Variants in TMC1 observed in about 807,000 individuals in gnomAD.
TMC1 encodes transmembrane channel-like protein 1.
TMC1 carries 84 observed loss-of-function variants against 105.8 expected under a neutral mutation model. That is an observed-to-expected ratio of 0.79 (90% confidence interval 0.67 to 0.95). The LOEUF is 0.95. Among genes scored for constraint, TMC1 ranks in the 40% least tolerant of loss-of-function variants. The pLI, the probability that TMC1 is intolerant of heterozygous loss-of-function variation, is 0.00. For synonymous variants in TMC1, 315 were observed against 311.5 expected, an observed-to-expected ratio of 1.01 and a Z score of -0.12; for missense variants, 817 against 914.1, an observed-to-expected ratio of 0.89 and a Z score of 1.37.
At chr9:72,773,852 G>GCT (rs1457123859) in intron 13 of TMC1, among the ~76,000 whole-genome samples, 1 of 152,098 alleles carries the variant, frequency 6.6e-6, no homozygotes, top group African/African-American at 2.4e-5. Context: ...TCAAATCCCA[G>GCT]CTCTACCATG....
chr9:72,567,666 C>G (rs1300682018), intron 1 of TMC1, among the ~76,000 whole-genome samples: 1 of 152,114 alleles, frequency 6.6e-6, no homozygotes, highest in African/African-American at 2.4e-5. Context: ...CCCCCATGAT[C>G]CGATTGCCTC....
chr9:72,549,838 T>C (rs1823831717), intron 1 of TMC1, among the ~76,000 whole-genome samples: 3 of 151,720 alleles, frequency 2.0e-5, no homozygotes, highest in Admixed American at 2.0e-4. Context: ...GGTCTCGAAC[T>C]CCTGACCTCG....
intron 5 of TMC1, among the ~76,000 whole-genome samples, chr9:72,687,503 A>T (rs1826396913): frequency 6.6e-6 from 1 of 151,808 alleles, no homozygotes. Context: ...AGTTGCAGCC[A>T]GCAACAGAAG....
intron 3 of TMC1, among the ~76,000 whole-genome samples, chr9:72,617,775 C>T (rs1008540804): frequency 6.6e-6 from 1 of 152,140 alleles, no homozygotes. Context: ...AGCTGCATCA[C>T]ACAGCTGAGA....
At chr9:72,675,271 A>G (rs1211287723) in intron 5 of TMC1, among the ~76,000 whole-genome samples, 1 of 152,132 alleles carries the variant, frequency 6.6e-6, no homozygotes, top group Non-Finnish European at 1.5e-5. Flanking sequence ...ACATGAACAC[A>G]TCGGGGAGGC....
intron 19 of TMC1, among the ~76,000 whole-genome samples, chr9:72,819,544 C>T (rs1425572228): frequency 1.3e-5 from 2 of 152,138 alleles, no homozygotes; most frequent in Non-Finnish European, 2.9e-5. Flanking sequence ...AGTCTTTGTT[C>T]AATTCATTAT....
chr9:72,651,935 G>A (rs1446369653), intron 5 of TMC1, among the ~76,000 whole-genome samples: 1 of 152,004 alleles, frequency 6.6e-6, no homozygotes, highest in African/African-American at 2.4e-5. Flanking sequence ...ACTCCCCAAA[G>A]TCCATTGTAA....
intron 8 of TMC1, among the ~76,000 whole-genome samples, chr9:72,703,271 T>G (rs1231150349): frequency 6.6e-6 from 1 of 152,032 alleles, no homozygotes; most frequent in East Asian, 1.9e-4. Context: ...GGACTATATG[T>G]GCACACTACC....
At chr9:72,754,461 G>C (rs923034757) in intron 11 of TMC1, among the ~76,000 whole-genome samples, 7 of 152,126 alleles carry the variant, frequency 4.6e-5, no homozygotes, top group Admixed American at 6.5e-5. Flanking sequence ...GACTCAAAAG[G>C]CTACCTCTCT....
intron 1 of TMC1, among the ~76,000 whole-genome samples, chr9:72,544,603 C>T (rs1823733472): frequency 6.6e-6 from 1 of 151,280 alleles, no homozygotes; most frequent in African/African-American, 2.4e-5. Context: ...ACTCAGCGTC[C>T]TGAGTAACTG....
chr9:72,522,694 T>TA (rs1823333823), intron 1 of TMC1, among the ~76,000 whole-genome samples: 1 of 152,232 alleles, frequency 6.6e-6, no homozygotes, highest in Non-Finnish European at 1.5e-5. Context: ...AGTTATAACA[T>TA]ACAGCTGTCA....
intron 8 of TMC1, among the ~76,000 whole-genome samples, chr9:72,708,034 A>G (rs1437561223): frequency 6.6e-6 from 1 of 151,994 alleles, no homozygotes; most frequent in Non-Finnish European, 1.5e-5. Context: ...TTTTCCCCAC[A>G]TTATGTTTTT....
At chr9:72,528,386 G>A (rs1231866658) in intron 1 of TMC1, among the ~76,000 whole-genome samples, 1 of 151,114 alleles carries the variant, frequency 6.6e-6, no homozygotes, top group African/African-American at 2.4e-5. Context: ...CCAGGCTGGA[G>A]TGCAATGGTG....
chr9:72,648,312 G>A (rs558409445), intron 4 of TMC1, among the ~76,000 whole-genome samples: 1 of 152,290 alleles, frequency 6.6e-6, no homozygotes, highest in East Asian at 1.9e-4. Context: ...AAATGAGGCA[G>A]GAAAGCACAG....
intron 10 of TMC1, among the ~76,000 whole-genome samples, chr9:72,744,386 G>A (rs554312933): frequency 6.6e-6 from 1 of 152,012 alleles, no homozygotes; most frequent in East Asian, 1.9e-4. Context: ...AGACAAACTC[G>A]CTAAATGTCT....
intron 5 of TMC1, chr9:72,656,038 C>A (rs1405759134): frequency 1.4e-6 from 1 of 728,970 alleles, no homozygotes; most frequent in African/African-American, 1.7e-5. Context: ...TTGAACTGGT[C>A]TTTTCACTTT....
At chr9:72,587,054 G>A (rs754838760) in intron 2 of TMC1, among the ~76,000 whole-genome samples, 12 of 152,152 alleles carry the variant, frequency 7.9e-5, no homozygotes, top group South Asian at 2.1e-4. Context: ...GGTCAGGGAT[G>A]CTGCTGAACA....
intron 2 of TMC1, among the ~76,000 whole-genome samples, chr9:72,591,750 AAT>A (rs1447415729): frequency 1.3e-5 from 2 of 150,884 alleles, no homozygotes; most frequent in Admixed American, 1.3e-4. Flanking sequence ...GTTTGTTTTT[AAT>A]AGAGACAGGG....
At chr9:72,589,306 T>C (rs760602884) in intron 2 of TMC1, among the ~76,000 whole-genome samples, 1 of 152,196 alleles carries the variant, frequency 6.6e-6, no homozygotes, top group Non-Finnish European at 1.5e-5. Context: ...TTAGAAAATG[T>C]CTATTAAATA....
Sources: gnomAD v4.1 joint callset for allele counts (sites outside exome capture counted in the v4.1 genomes callset) on GRCh38, gnomAD v4.1.1 for gene constraint, MANE v1.5 for transcripts, NCBI Gene and HGNC (gene_info 2026-07-23, HGNC 2026-07-21) for gene names.